DNAH11: variants seen among roughly 807,000 people sequenced by gnomAD.
DNAH11 encodes dynein axonemal heavy chain 11, also known as axonemal beta dynein heavy chain 11.
Under a neutral mutation model 526.0 loss-of-function variants are expected in DNAH11, and 442 were observed. The observed-to-expected ratio is 0.84, with a 90% CI of 0.78 to 0.91. The LOEUF is 0.91. Ranked by LOEUF, DNAH11 falls within the 40% of genes least tolerant of loss-of-function variation. DNAH11 has a pLI of 0.00. For synonymous variants in DNAH11, 2,461 were observed against 1,935.9 expected (o/e 1.27, Z -7.12); for missense variants, 6,989 against 5,448.7 (o/e 1.28, Z -8.90).
At chr7:21,875,595 A>G (rs1783673388) in intron 74 of DNAH11, among the ~76,000 whole-genome samples, 1 of 152,184 alleles carries the variant, frequency 6.6e-6, no homozygotes, top group Non-Finnish European at 1.5e-5. Flanking sequence ...CAGGAGTTCG[A>G]GGCTGCAGTG....
chr7:21,570,353 G>C, intron 7 of DNAH11, 54 bp downstream of exon 7: 3 of 1,405,582 alleles, frequency 2.1e-6, no homozygotes, highest in Non-Finnish European at 2.9e-6. Context: ...CAAAAAGCCA[G>C]TAGCTTTTCA....
intron 61 of DNAH11, among the ~76,000 whole-genome samples, chr7:21,789,794 T>TTTC (rs1169408318): frequency 3.5e-5 from 3 of 84,656 alleles, no homozygotes; most frequent in East Asian, 7.4e-4. Context: ...TCTTTCTTTC[T>TTTC]TTCTTTCTTT....
intron 14 of DNAH11, 68 bp downstream of exon 14, chr7:21,591,645 T>C: frequency 2.1e-6 from 3 of 1,403,566 alleles, no homozygotes; most frequent in Non-Finnish European, 2.8e-6. Flanking sequence ...CAAAAATCTT[T>C]AACCTAATAA....
chr7:21,581,872 C>T, intron 8 of DNAH11, 33 bp from the exon 9 acceptor site: 2 of 1,373,568 alleles, frequency 1.5e-6, no homozygotes, highest in Non-Finnish European at 2.1e-6. Flanking sequence ...GGATTATTTC[C>T]AATATACTAA....
chr7:21,742,417 C>T (rs1163469292), intron 49 of DNAH11, among the ~76,000 whole-genome samples: 1 of 152,074 alleles, frequency 6.6e-6, no homozygotes, highest in Non-Finnish European at 1.5e-5. Context: ...TTTTGCATGG[C>T]AAGAGCAGGA....
chr7:21,606,640 T>C lies in DNAH11; in HGVS notation c.3766-7T>C. 1.7e-6 allele frequency: 2 copies of C among 1,145,588 alleles called. No individual in the cohort carries two copies. Among genetic ancestry groups the C allele is most frequent in the Non-Finnish European group, 2.5e-6 (2 of 802,218 alleles). The allele number at this position is 1,145,588 out of a possible 1,614,324, so 71.0% of individuals were successfully genotyped here. A position where few individuals can be genotyped will look rare whatever the true frequency, so the allele number is the denominator to read the frequency against. ...CTTTTTTTTTTTTTTTTTTTTGCAA[T>C]GATCAGGCAAAGCAGGCAGAGTTCA... On this transcript the variant is annotated splice_region_variant and splice_polypyrimidine_tract_variant and intron_variant, in intron 19 of 81. Transcript: ENST00000409508.
chr7:21,772,917 C>T (rs189855180), intron 55 of DNAH11, among the ~76,000 whole-genome samples: 55 of 152,288 alleles, frequency 3.6e-4, no homozygotes, highest in Admixed American at 3.0e-3. Flanking sequence ...CACGTGTGTG[C>T]AATTTTCCCA....
Position 21,600,080 on chromosome 7 carries a change from G to T in DNAH11, c.2961G>T (p.Met987Ile). 6.3e-7 allele frequency: 1 copy of T among 1,580,322 alleles called. No individual in the cohort carries two copies. Among genetic ancestry groups the T allele is most frequent in the Middle Eastern group, 1.7e-4 (1 of 5,908 alleles). ...LCNSFRMSAQ[M>I]NRIATHLEIK... The stretch of plus-strand genomic sequence containing the variant: ...ATAGTTTTAGAATGTCTGCCCAGAT[G>T]AACCGAATAGCAACACACCTGGAAA... The change falls in exon 15 of 82, where the codon ATG becomes ATT. Residue 987 changes from methionine (M) to isoleucine (I), a missense_variant. By Grantham distance (10) the Met-to-Ile change is conservative (BLOSUM62 1). Transcript: ENST00000409508.
At chr7:21,854,537 GATA>G (rs1274679085) in intron 68 of DNAH11, 82 bp downstream of exon 68, 21 of 1,301,330 alleles carry the variant, frequency 1.6e-5, no homozygotes, top group East Asian at 7.7e-5. Flanking sequence ...TTTTATTATT[GATA>G]ATAATAATAA....
rs1263412262 is a variant in DNAH11 at position 21,720,712 on chromosome 7, T to C, written c.7135-13T>C. Reference sequence around the variant, plus strand: ...AAAAATGTTGCCTTATTTGACTATTTCTTTTTCTTTAGACTCTATGTGTTC... The same window carrying C: ...AAAAATGTTGCCTTATTTGACTATTCCTTTTTCTTTAGACTCTATGTGTTC... On this transcript the variant is annotated splice_polypyrimidine_tract_variant and intron_variant, in intron 43 of 81. Coordinates refer to ENST00000409508, the MANE Select transcript of DNAH11 (RefSeq NM_001277115.2). 6.5e-6 allele frequency: 10 copies of C among 1,541,046 alleles called. No homozygotes were observed. The highest frequency in any genetic ancestry group is 8.7e-6 in the Non-Finnish European group (10 of 1,145,020).
intron 30 of DNAH11, among the ~76,000 whole-genome samples, chr7:21,664,839 CT>C (rs1782363922): frequency 6.6e-6 from 1 of 152,056 alleles, no homozygotes; most frequent in Non-Finnish European, 1.5e-5. Context: ...GCTTCAGTAT[CT>C]CAGCTTTATG....
Position 21,683,936 on chromosome 7 carries a change from A to C in DNAH11, c.5613A>C (p.Leu1871=). ...GNSPRLVITP[L]TDRCYITLTQ... is the part of the protein sequence containing the mutation. ...GCCCTCGACTAGTGATCACTCCTCT[A>C]ACTGACAGGTAACAATTCAAAGTTT... The change falls in exon 32 of 82, where the codon CTA becomes CTC. Residue 1871 remains leucine, a synonymous_variant. Coordinates refer to ENST00000409508, the MANE Select transcript of DNAH11 (RefSeq NM_001277115.2). The C allele has an allele frequency of 1.2e-6, 2 of 1,613,082 alleles. No individual in the cohort carries two copies. Among genetic ancestry groups the C allele is most frequent in the Non-Finnish European group, 8.5e-7 (1 of 1,179,382 alleles).
At chr7:21,548,407 A>G (rs1782886477) in intron 2 of DNAH11, among the ~76,000 whole-genome samples, 1 of 152,230 alleles carries the variant, frequency 6.6e-6, no homozygotes, top group African/African-American at 2.4e-5. Flanking sequence ...ATAGTTGACC[A>G]CCAAAAGAGT....
intron 42 of DNAH11, among the ~76,000 whole-genome samples, chr7:21,715,446 A>C (rs1020204753): frequency 6.6e-6 from 1 of 152,218 alleles, no homozygotes; most frequent in Non-Finnish European, 1.5e-5. Context: ...AAGATGATAC[A>C]TTGGGGCATT....
intron 2 of DNAH11, among the ~76,000 whole-genome samples, chr7:21,552,155 G>A (rs1191721806): frequency 6.6e-6 from 1 of 152,174 alleles, no homozygotes; most frequent in Non-Finnish European, 1.5e-5. Flanking sequence ...CTGGTCCATT[G>A]TCACATACAC....
chr7:21,857,245 G>C (rs955950727), intron 68 of DNAH11, among the ~76,000 whole-genome samples: 5 of 152,004 alleles, frequency 3.3e-5, no homozygotes, highest in Admixed American at 3.3e-4. Flanking sequence ...AAGCTTTTTA[G>C]GAATAATTTT....
Position 21,749,766 on chromosome 7 carries a change from G to A in DNAH11, c.8762G>A (p.Ser2921Asn). 1 of 1,613,950 alleles carries A rather than the reference G, an allele frequency of 6.2e-7. No homozygotes were observed. Among genetic ancestry groups the A allele is most frequent in the Non-Finnish European group, 8.5e-7 (1 of 1,179,858 alleles). The part of the protein sequence containing the change: ...LLTDAQVLDE[S>N]FLVLINDLLA... ...ACAGATGCCCAGGTTCTAGATGAGA[G>A]CTTCCTCGTGCTGATTAATGACTTG... is the stretch of plus-strand genomic sequence containing the variant. Residue 2921 changes from serine to asparagine, a missense_variant, in exon 53 of 82, where the codon AGC becomes AAC. Physicochemically the swap from Ser to Asn is conservative, Grantham distance 46. Coordinates refer to ENST00000409508, the MANE Select transcript of DNAH11 (RefSeq NM_001277115.2).
intron 75 of DNAH11, among the ~76,000 whole-genome samples, chr7:21,883,400 G>A (rs952368041): frequency 6.6e-6 from 1 of 152,150 alleles, no homozygotes; most frequent in Non-Finnish European, 1.5e-5. Flanking sequence ...TAGGTACAGT[G>A]ATTTCTTGAA....
chr7:21,655,961 G>C lies in DNAH11; in HGVS notation c.5074G>C (p.Glu1692Gln). The C allele has an allele frequency of 6.2e-7, 1 of 1,605,036 alleles. No homozygotes were observed. Among genetic ancestry groups the C allele is most frequent in the Non-Finnish European group, 8.5e-7 (1 of 1,174,708 alleles). Reference protein sequence around the residue: ...KEKEYVPFQAECECVGHVETW... With the variant: ...KEKEYVPFQAQCECVGHVETW... ...AAAGGAGTATGTCCCATTCCAAGCC[G>C]AGTGTGAATGTGTGGGCCATGTAAG... is the stretch of plus-strand genomic sequence containing the variant. The change falls in exon 29 of 82, where the codon GAG becomes CAG. Residue 1692 changes from glutamate (E) to glutamine (Q), a missense_variant. Glu to Gln is a conservative substitution (Grantham distance 29, BLOSUM62 2). Coordinates refer to ENST00000409508, the MANE Select transcript of DNAH11 (RefSeq NM_001277115.2).
Sources: gnomAD v4.1 joint callset for allele counts (sites outside exome capture counted in the v4.1 genomes callset) on GRCh38, gnomAD v4.1.1 for gene constraint, MANE v1.5 for transcripts, NCBI Gene and HGNC (gene_info 2026-07-23, HGNC 2026-07-21) for gene names.